Variants in SAMD12 observed in about 807,000 individuals in gnomAD.
SAMD12 encodes the protein sterile alpha motif domain-containing protein 12.
Under a neutral mutation model 15.0 loss-of-function variants are expected in SAMD12, and 9 were observed. The ratio of observed to expected loss-of-function variants is 0.60; its 90% CI spans 0.36 to 1.05. SAMD12 has a LOEUF of 1.05. Ranked by LOEUF, SAMD12 falls within the 50% of genes least tolerant of loss-of-function variation. The pLI is 0.01. For synonymous variants in SAMD12, 86 were observed against 90.1 expected, an observed-to-expected ratio of 0.96 and a Z score of 0.25; for missense variants, 230 against 234.2, an observed-to-expected ratio of 0.98 and a Z score of 0.12.
chr8:118,488,970 A>G (rs541907392), intron 2 of SAMD12, among the ~76,000 whole-genome samples: 1 of 152,252 alleles, frequency 6.6e-6, no homozygotes, highest in Non-Finnish European at 1.5e-5. Flanking sequence ...ACCAGTTTAC[A>G]CTTTAGCAAA....
Position 118,260,857 on chromosome 8 carries a change from C to A in SAMD12, c.434-63125G>T, listed in dbSNP as rs138238559. ...TGGTAACAGCTCCCCGCTGTTATGA[C>A]CCCTGAGGTACTGCACCATCTTTTG... On this transcript the variant is annotated intron_variant, in intron 4 of 4. Transcript: ENST00000409003. 9.4e-4 allele frequency among the ~76,000 whole-genome samples: 143 copies of A among 152,224 alleles called. No homozygotes were observed. In the Middle Eastern group the frequency reaches 0.014, roughly 14 times the overall value.
At chr8:118,536,682 C>A (rs1825854010) in intron 2 of SAMD12, among the ~76,000 whole-genome samples, 2 of 152,172 alleles carry the variant, frequency 1.3e-5, no homozygotes, top group African/African-American at 2.4e-5. Flanking sequence ...CCCCACCCCA[C>A]TTCCATTTTT....
chr8:118,185,800 T>C (rs547462331), downstream of SAMD12, among the ~76,000 whole-genome samples: 1 of 152,306 alleles, frequency 6.6e-6, no homozygotes, highest in South Asian at 2.1e-4. Context: ...GTTGAACATG[T>C]AGTAGCTGTT....
intron 2 of SAMD12, among the ~76,000 whole-genome samples, chr8:118,533,982 G>A (rs7846258): frequency 0.065 from 9,869 of 152,100 alleles, 385 homozygotes; most frequent in South Asian, 0.13. Context: ...TGATCCTGTC[G>A]TTATGATGTT....
At chr8:118,292,809 C>T (rs1015605928) in intron 4 of SAMD12, among the ~76,000 whole-genome samples, 1 of 150,000 alleles carries the variant, frequency 6.7e-6, no homozygotes, top group Non-Finnish European at 1.5e-5. Flanking sequence ...GAACAAAAAA[C>T]CAAACACCAC....
At chr8:118,307,951 G>A (rs1233814416) in intron 4 of SAMD12, among the ~76,000 whole-genome samples, 1 of 152,204 alleles carries the variant, frequency 6.6e-6, no homozygotes, top group African/African-American at 2.4e-5. Flanking sequence ...TGCTGCCCTT[G>A]ACCAAAGGTC....
chr8:118,276,698 A>G (rs1191505263), intron 4 of SAMD12, among the ~76,000 whole-genome samples: 1 of 152,022 alleles, frequency 6.6e-6, no homozygotes, highest in Non-Finnish European at 1.5e-5. Flanking sequence ...TTTGAGACAG[A>G]GTCTTGCTTT....
chr8:118,229,725 C>T (rs898178158), intron 4 of SAMD12, among the ~76,000 whole-genome samples: 1 of 152,168 alleles, frequency 6.6e-6, no homozygotes, highest in African/African-American at 2.4e-5. Flanking sequence ...GAAACAAACT[C>T]CCATACTCTC....
At chr8:118,297,803 A>C (rs1292382199) in intron 4 of SAMD12, among the ~76,000 whole-genome samples, 1 of 152,218 alleles carries the variant, frequency 6.6e-6, no homozygotes, top group Non-Finnish European at 1.5e-5. Context: ...CAATCACATA[A>C]TTTTGACAAA....
intron 3 of SAMD12, among the ~76,000 whole-genome samples, chr8:118,421,958 T>C (rs967918018): frequency 6.6e-6 from 1 of 152,070 alleles, no homozygotes; most frequent in Non-Finnish European, 1.5e-5. Flanking sequence ...AAAAGTAAAA[T>C]GGGGTTTCTC....
At chr8:118,471,281 T>A (rs966236725) in intron 2 of SAMD12, among the ~76,000 whole-genome samples, 29 of 152,192 alleles carry the variant, frequency 1.9e-4, no homozygotes, top group African/African-American at 4.3e-4. Flanking sequence ...AAAAGCATCA[T>A]TTGGACCTTA....
chr8:118,351,090 C>T (rs894831688), intron 4 of SAMD12, among the ~76,000 whole-genome samples: 6 of 152,182 alleles, frequency 3.9e-5, no homozygotes, highest in Non-Finnish European at 5.9e-5. Context: ...TCTTCCCTGG[C>T]CAGATCCTTA....
At chr8:118,281,708 T>G (rs578229112) in intron 4 of SAMD12, among the ~76,000 whole-genome samples, 77 of 152,304 alleles carry the variant, frequency 5.1e-4, no homozygotes, top group African/African-American at 1.8e-3. Flanking sequence ...TGAGACAAGA[T>G]GGTAGAGTGC....
At chr8:118,146,450 AC>A in the SAMD12 span, among the ~76,000 whole-genome samples, 3 of 152,230 alleles carry the variant, frequency 2.0e-5, no homozygotes, top group African/African-American at 7.2e-5. Context: ...ACACACAAAT[AC>A]CAACAATTTT....
chr8:118,259,013 C>T (rs1210628991), intron 4 of SAMD12, among the ~76,000 whole-genome samples: 1 of 152,078 alleles, frequency 6.6e-6, no homozygotes, highest in Non-Finnish European at 1.5e-5. Flanking sequence ...AAATCCTCAG[C>T]AGACTAGAAA....
chr8:118,343,858 T>C (rs767741662), intron 4 of SAMD12, among the ~76,000 whole-genome samples: 2 of 152,176 alleles, frequency 1.3e-5, no homozygotes, highest in Admixed American at 6.5e-5. Context: ...TGGATCTGCA[T>C]TGGGTTAGCT....
intron 1 of SAMD12, among the ~76,000 whole-genome samples, chr8:118,605,116 C>T (rs760910156): frequency 5.3e-5 from 8 of 152,096 alleles, no homozygotes; most frequent in East Asian, 1.9e-4. Flanking sequence ...AACACAGATA[C>T]GCCTTTCACT....
chr8:118,172,032 A>G, the SAMD12 span, among the ~76,000 whole-genome samples: 14 of 151,914 alleles, frequency 9.2e-5, no homozygotes, highest in Non-Finnish European at 2.1e-4. Context: ...GCATGTTCTC[A>G]CTCATAGGTG....
intron 4 of SAMD12, among the ~76,000 whole-genome samples, chr8:118,236,447 T>C (rs904684040): frequency 1.3e-5 from 2 of 152,138 alleles, no homozygotes; most frequent in African/African-American, 4.8e-5. Context: ...AATTACCAAG[T>C]GTGAGGCCTA....
Sources: allele counts gnomAD v4.1 joint callset (sites outside exome capture counted in the v4.1 genomes callset), GRCh38; gene constraint gnomAD v4.1.1; transcripts MANE v1.5; gene names NCBI Gene and HGNC (gene_info 2026-07-23, HGNC 2026-07-21).